Variants in CLPTM1L observed in about 807,000 individuals in gnomAD.
CLPTM1L encodes CLPTM1 like, also known as lipid scramblase CLPTM1L.
CLPTM1L carries 38 observed loss-of-function variants against 70.9 expected under a neutral mutation model. The ratio of observed to expected loss-of-function variants is 0.54; its 90% CI spans 0.41 to 0.70. The LOEUF (loss-of-function observed/expected upper bound fraction) is 0.70, where lower values mean the gene tolerates loss of function less well. Among genes scored for constraint, CLPTM1L ranks in the 30% least tolerant of loss-of-function variants. The probability of loss-of-function intolerance (pLI) is 0.00; values close to 1 mark genes in which losing one functional copy is unlikely to be tolerated. For missense variants in CLPTM1L, 652 were observed against 705.9 expected (o/e 0.92, Z 0.87); for synonymous variants, 339 against 299.9 (o/e 1.13, Z -1.35).
rs375715360 is a variant in CLPTM1L at position 1,342,256 on chromosome 5, G to T, written c.264-396C>A. On this transcript the variant is annotated intron_variant, in intron 2 of 16. Coordinates refer to ENST00000320895, the MANE Select transcript of CLPTM1L (RefSeq NM_030782.5). The surrounding 1 kb of genome is among the most constrained non-coding windows in gnomAD (Gnocchi z 4.3). The stretch of plus-strand genomic sequence containing the variant: ...ACACTGAATCACCCAACTCCGAAGC[G>T]ACAGAAGGGAAGGGCAGCAGCCACG... Among the ~76,000 whole-genome samples, 1 of 152,200 alleles carries T rather than the reference G, an allele frequency of 6.6e-6. No individual in the cohort carries two copies. Among genetic ancestry groups the T allele is most frequent in the African/African-American group, 2.4e-5 (1 of 41,454 alleles).
At chr5:1,323,058 G>C (rs767652088) in intron 12 of CLPTM1L, 147 bp from the exon 13 acceptor site, 13 of 800,890 alleles carry the variant, frequency 1.6e-5, no homozygotes, top group Non-Finnish European at 2.7e-5. Context: ...CAGCAGTGCT[G>C]AGCCTGGTTC....
At chr5:1,320,506 T>C in intron 16 of CLPTM1L, 110 bp downstream of exon 16, 1 of 561,820 alleles carries the variant, frequency 1.8e-6, no homozygotes, top group Non-Finnish European at 3.0e-6. Context: ...AATTATCTTT[T>C]CCCTCAAATG....
rs1260444809 is a variant in CLPTM1L at position 1,331,564 on chromosome 5, CT to C, written c.976+234del. The C allele has an allele frequency of 1.2e-4, 48 of 401,080 alleles. 1 individual carries two copies. Among genetic ancestry groups the C allele is most frequent in the Middle Eastern group, 5.6e-4 (1 of 1,792 alleles). The allele number at this position is 401,080 out of a possible 1,614,324, so 24.8% of individuals were successfully genotyped here. On this transcript the variant is annotated intron_variant, in intron 8 of 16. Coordinates refer to ENST00000320895, the MANE Select transcript of CLPTM1L (RefSeq NM_030782.5). ...GCACGCCAGAGTCCGCAGCCAGGCC[CT>C]GAGCTGTGCAGCCGCTGGAGGCCCT...
At chr5:1,330,646 T>C in intron 8 of CLPTM1L, 1 of 498,994 alleles carries the variant, frequency 2.0e-6, no homozygotes, top group Non-Finnish European at 3.6e-6. Context: ...CAAATGAGCA[T>C]GGAACGTGGG....
intron 7 of CLPTM1L, among the ~76,000 whole-genome samples, chr5:1,332,561 A>C (rs373336730): frequency 3.9e-5 from 6 of 152,228 alleles, no homozygotes; most frequent in Non-Finnish European, 8.8e-5. Context: ...CCAGCCTAAC[A>C]GCCACAAGGA....
intron 8 of CLPTM1L, chr5:1,330,618 G>A (rs1753023591): frequency 5.7e-6 from 3 of 524,462 alleles, no homozygotes; most frequent in African/African-American, 1.9e-5. Context: ...CCACAAACAC[G>A]TGTCTGAGCC....
At chr5:1,321,234 G>A (rs1014204989) in intron 15 of CLPTM1L, among the ~76,000 whole-genome samples, 3 of 152,250 alleles carry the variant, frequency 2.0e-5, no homozygotes, top group Admixed American at 2.0e-4. Context: ...ACGGAGCCAA[G>A]GGGGCCTCCA....
intron 16 of CLPTM1L, among the ~76,000 whole-genome samples, chr5:1,319,428 G>T (rs1212300881): frequency 2.0e-5 from 3 of 152,222 alleles, no homozygotes; most frequent in Admixed American, 1.3e-4. Flanking sequence ...GTGTGGATGT[G>T]CCAACTGCAC....
intron 16 of CLPTM1L, chr5:1,320,218 C>T: frequency 6.2e-6 from 1 of 160,246 alleles, no homozygotes; most frequent in East Asian, 1.8e-4. Flanking sequence ...ACATTGTGCC[C>T]TGCAGGTCCA....
chr5:1,340,948 T>C (rs1350698210), intron 3 of CLPTM1L, among the ~76,000 whole-genome samples: 2 of 152,202 alleles, frequency 1.3e-5, no homozygotes, highest in African/African-American at 4.8e-5. Context: ...GTATTTTTAG[T>C]AGAGACGGGG....
In CLPTM1L at chr5:1,320,686, T is replaced by C. The variant is rs1752100964; in HGVS notation, c.1462A>G (p.Met488Val). 1 of 1,548,196 alleles carries C rather than the reference T, an allele frequency of 6.5e-7. No individual in the cohort carries two copies. Among genetic ancestry groups the C allele is most frequent in the African/African-American group, 1.4e-5 (1 of 72,882 alleles). ...CAGGCCAGCCGGTGAGACGTGGGCA[T>C]GGTGATGATGAAGGCAAAGACGTCA... ...IDDVFAFIITMPTSHRLACFR... is the reference protein window; with the variant it reads ...IDDVFAFIITVPTSHRLACFR... Residue 488 changes from methionine to valine, a missense_variant, in exon 16 of 17, where the codon ATG (methionine) becomes GTG (valine). Met to Val is a conservative substitution (Grantham distance 21). This residue lies in a region of CLPTM1L where 240 missense variants were observed against 295.0 expected (regional missense o/e 0.81). Coordinates refer to ENST00000320895, the MANE Select transcript of CLPTM1L (RefSeq NM_030782.5).
chr5:1,321,034 A>C (rs1047639867), intron 15 of CLPTM1L, among the ~76,000 whole-genome samples: 1 of 152,174 alleles, frequency 6.6e-6, no homozygotes, highest in African/African-American at 2.4e-5. Context: ...AGACAGAGCC[A>C]AGGGCAGAGC....
intron 8 of CLPTM1L, chr5:1,331,593 G>A: frequency 1.7e-6 from 1 of 579,378 alleles, no homozygotes; most frequent in Admixed American, 3.1e-5. Context: ...GAGGCCCTGA[G>A]CCGTGCAGCC....
intron 9 of CLPTM1L, 178 bp from the exon 10 acceptor site, chr5:1,325,994 A>T (rs902894458): frequency 1.7e-6 from 1 of 590,646 alleles, no homozygotes; most frequent in Admixed American, 3.0e-5. Flanking sequence ...TGGGCCTCTA[A>T]CCCACACACG....
intron 9 of CLPTM1L, among the ~76,000 whole-genome samples, chr5:1,327,740 T>C (rs921502531): frequency 1.3e-5 from 2 of 149,850 alleles, no homozygotes; most frequent in Non-Finnish European, 3.0e-5. Flanking sequence ...GCTCCTCCTC[T>C]ACAGGGACAT....
intron 9 of CLPTM1L, among the ~76,000 whole-genome samples, chr5:1,328,968 C>CATTCCATCCAGCTCCTCCTCTACAGACAG (rs1752877187): frequency 6.6e-6 from 1 of 151,622 alleles, no homozygotes; most frequent in Non-Finnish European, 1.5e-5. Flanking sequence ...TCTACAGACA[C>CATTCCATCCAGCTCCTCCTCTACAGACAG]ATTTCATACA....
In CLPTM1L at chr5:1,330,372, A is replaced by C. The variant is rs1373141107; in HGVS notation, c.988T>G (p.Cys330Gly). Residue 330 changes from cysteine to glycine, a missense_variant, in exon 9 of 17, where the codon TGC becomes GGC. Transcript: ENST00000320895. The part of the protein sequence containing the change: ...GMSTKAVLWR[C>G]FSTVVIFLFL... ...AGAAAGATGACCACGGTGCTGAAGC[A>C]GCGCCAGAGCACTGGGGACAGGATG... 1 of 1,612,798 alleles carries C rather than the reference A, an allele frequency of 6.2e-7. No homozygotes were observed. The highest frequency in any genetic ancestry group is 2.2e-5 in the East Asian group (1 of 44,870).
chr5:1,321,734 C>A, intron 14 of CLPTM1L, 30 bp downstream of exon 14: 2 of 1,613,860 alleles, frequency 1.2e-6, no homozygotes, highest in Non-Finnish European at 1.7e-6. Context: ...GAGACGGGGG[C>A]CGGGCCGCGG....
chr5:1,340,900 G>T (rs1753898236), intron 3 of CLPTM1L, among the ~76,000 whole-genome samples: 1 of 152,180 alleles, frequency 6.6e-6, no homozygotes, highest in Admixed American at 6.5e-5. Flanking sequence ...TGAGTAGCTG[G>T]GATTACAGGC....
Sources: gnomAD v4.1 joint callset for allele counts (sites outside exome capture counted in the v4.1 genomes callset) on GRCh38, gnomAD v4.1.1 for gene constraint, gnomAD v4.1.1 regional missense constraint, Gnocchi (gnomAD v3.1) non-coding constraint, MANE v1.5 for transcripts, NCBI Gene and HGNC (gene_info 2026-07-23, HGNC 2026-07-21) for gene names.